DOK6: variants seen among roughly 807,000 people sequenced by gnomAD.
The protein encoded by DOK6 is docking protein 6.
A neutral mutation model predicts 44.0 loss-of-function variants in DOK6; 22 were observed. That is an observed-to-expected ratio of 0.50 (90% CI 0.36 to 0.71). The LOEUF (loss-of-function observed/expected upper bound fraction) is 0.71, where lower values mean the gene tolerates loss of function less well. Among genes scored for constraint, DOK6 ranks in the 30% least tolerant of loss-of-function variants. The pLI is 0.00. For synonymous variants in DOK6, 166 were observed against 145.5 expected, an observed-to-expected ratio of 1.14 and a Z score of -1.01; for missense variants, 340 against 416.4, an observed-to-expected ratio of 0.82 and a Z score of 1.60.
rs143188580 is a variant in DOK6, at chr18:69,518,750, T to C, written c.67-45737T>C. Among the ~76,000 whole-genome samples, 708 of 152,194 alleles carry C rather than the reference T, an allele frequency of 4.7e-3. 3 individuals are homozygous for C. Among genetic ancestry groups the C allele is most frequent in the African/African-American group, 0.016 (682 of 41,540 alleles). ...TAAAAACATTTCTAAAAAATATGTA[T>C]CAAAGTTAAAATCATGCTATGTAAA... is the stretch of plus-strand genomic sequence containing the variant. On this transcript the variant is annotated intron_variant, in intron 1 of 7. Coordinates refer to ENST00000382713, the MANE Select transcript of DOK6 (RefSeq NM_152721.6).
At position 69,844,565 on chromosome 18, in the gene DOK6, G is replaced by C. The variant is rs1982306208; in HGVS notation, c.*3182G>C. 6.6e-6 allele frequency: 1 copy of C among 152,068 alleles called. No homozygotes were observed. Among genetic ancestry groups the C allele is most frequent in the Admixed American group, 6.6e-5 (1 of 15,256 alleles). 9.4% of individuals were successfully genotyped at this position (152,068 alleles called of 1,614,324 possible). On this transcript the variant is annotated 3_prime_UTR_variant, in exon 8 of 8. Coordinates refer to ENST00000382713, the MANE Select transcript of DOK6 (RefSeq NM_152721.6). ...CTTGATCCAATAGTTTCCTATTCTG[G>C]GGGGTGGGGGCAGAGGCGGAAAAGA...
chr18:69,756,930 G>A (rs1401630094), intron 6 of DOK6, among the ~76,000 whole-genome samples: 1 of 152,198 alleles, frequency 6.6e-6, no homozygotes, highest in Non-Finnish European at 1.5e-5. Context: ...CTCAGGTTGG[G>A]TCAGAGACAT....
At chr18:69,576,615 A>G (rs910877037) in intron 2 of DOK6, among the ~76,000 whole-genome samples, 1 of 152,144 alleles carries the variant, frequency 6.6e-6, no homozygotes, top group African/African-American at 2.4e-5. Flanking sequence ...CTTGCAGCAT[A>G]AATCAATTTT....
chr18:69,511,118 A>G (rs1981353803), intron 1 of DOK6, among the ~76,000 whole-genome samples: 3 of 152,192 alleles, frequency 2.0e-5, no homozygotes, highest in Admixed American at 2.0e-4. Context: ...TTTTCTTTAC[A>G]TTAAAAATTT....
chr18:69,480,360 A>G lies in DOK6; in HGVS notation c.66+79050A>G, dbSNP rs1349701083. Reference sequence around the variant, plus strand: ...ATTTTGATATGATAAAATGAGTGTCAAAGATATGAATCTTGACTATAATAT... The same window carrying G: ...ATTTTGATATGATAAAATGAGTGTCGAAGATATGAATCTTGACTATAATAT... On this transcript the variant is annotated intron_variant, in intron 1 of 7. Transcript: ENST00000382713. Among the ~76,000 whole-genome samples the G allele has an allele frequency of 3.9e-5, 6 of 152,132 alleles. No individual in the cohort carries two copies. In the South Asian group the frequency reaches 1.0e-3, roughly 26 times the overall value.
intron 7 of DOK6, among the ~76,000 whole-genome samples, chr18:69,774,179 A>G (rs1471589031): frequency 9.2e-6 from 1 of 108,408 alleles, no homozygotes; most frequent in Non-Finnish European, 2.1e-5. Context: ...TCAGTCATAA[A>G]AAGGAATGAA....
intron 5 of DOK6, among the ~76,000 whole-genome samples, chr18:69,727,354 T>C (rs1479114215): frequency 6.6e-6 from 1 of 151,982 alleles, no homozygotes; most frequent in East Asian, 1.9e-4. Flanking sequence ...CATTGGAGCC[T>C]GTTCTAGCAC....
intron 2 of DOK6, among the ~76,000 whole-genome samples, chr18:69,571,403 T>C (rs1983112013): frequency 6.6e-6 from 1 of 152,036 alleles, no homozygotes; most frequent in Admixed American, 6.6e-5. Flanking sequence ...CATGAATAAT[T>C]ACGTTGTGTT....
At chr18:69,780,500 G>A (rs563856744) in intron 7 of DOK6, among the ~76,000 whole-genome samples, 1 of 152,360 alleles carries the variant, frequency 6.6e-6, no homozygotes, top group Non-Finnish European at 1.5e-5. Flanking sequence ...GCTGAGGCAG[G>A]AGAGTCACTT....
intron 1 of DOK6, among the ~76,000 whole-genome samples, chr18:69,477,369 A>G (rs756682401): frequency 6.6e-6 from 1 of 150,874 alleles, no homozygotes; most frequent in African/African-American, 2.4e-5. Context: ...CTTAACTTTC[A>G]TCAAGATCAA....
In DOK6 at chr18:69,758,001, C is replaced by A; in HGVS notation, c.856+128C>A. 3.9e-6 allele frequency: 3 copies of A among 773,338 alleles called. No individual in the cohort carries two copies. The Admixed American group carries it at 6.0e-5, about 15-fold the overall frequency. The allele number at this position is 773,338 out of a possible 1,614,324, so 47.9% of individuals were successfully genotyped here. On this transcript the variant is annotated intron_variant, in intron 7 of 7. Coordinates refer to ENST00000382713, the MANE Select transcript of DOK6 (RefSeq NM_152721.6). ...ATTCCCATTTATCAGCTGTCACTGGCCACAGTGGGAGCTCTGAGATTTACA... is the reference window on the plus strand; with the variant it reads ...ATTCCCATTTATCAGCTGTCACTGGACACAGTGGGAGCTCTGAGATTTACA...
intron 3 of DOK6, among the ~76,000 whole-genome samples, chr18:69,612,539 C>T (rs1351210644): frequency 8.3e-6 from 1 of 120,646 alleles, no homozygotes; most frequent in South Asian, 2.7e-4. Flanking sequence ...CTGGCACCAA[C>T]ACCTCACCCA....
intron 1 of DOK6, among the ~76,000 whole-genome samples, chr18:69,456,574 A>G (rs756395463): frequency 1.3e-5 from 2 of 152,086 alleles, no homozygotes; most frequent in Non-Finnish European, 2.9e-5. Flanking sequence ...AATTGAGTCC[A>G]TGTCTTTGCT....
At position 69,681,261 on chromosome 18, in the gene DOK6, C is replaced by T. The variant is rs1183980934; in HGVS notation, c.409+3408C>T. ...GTATTCTATCAGTATCAAGTCACACCGCTTAGTCTTTACCACAGCAATTTT... is the reference window on the plus strand; with the variant it reads ...GTATTCTATCAGTATCAAGTCACACTGCTTAGTCTTTACCACAGCAATTTT... On this transcript the variant is annotated intron_variant, in intron 4 of 7. Coordinates refer to ENST00000382713, the MANE Select transcript of DOK6 (RefSeq NM_152721.6). Among the ~76,000 whole-genome samples the T allele has an allele frequency of 2.0e-5, 3 of 152,148 alleles. No individual in the cohort carries two copies. The East Asian group carries it at 5.8e-4, about 29-fold the overall frequency.
chr18:69,719,430 T>C (rs1057462262), intron 5 of DOK6, among the ~76,000 whole-genome samples: 3 of 152,192 alleles, frequency 2.0e-5, no homozygotes, highest in African/African-American at 7.2e-5. Flanking sequence ...GGTTTTACAA[T>C]AGTGATATTA....
At chr18:69,495,367 C>T (rs1349874573) in intron 1 of DOK6, among the ~76,000 whole-genome samples, 2 of 152,192 alleles carry the variant, frequency 1.3e-5, no homozygotes, top group African/African-American at 2.4e-5. Flanking sequence ...GAGTTCTTTT[C>T]CTGCATCCAG....
rs544036245 is a variant in DOK6 at position 69,659,842 on chromosome 18, T to C, written c.290-17892T>C. 5.4e-4 allele frequency: 24 copies of C among 44,770 alleles called. 4 individuals are homozygous for C. In the South Asian group the frequency reaches 0.014, roughly 26 times the overall value. The allele number at this position is 44,770 out of a possible 1,614,324, so 2.8% of individuals were successfully genotyped here. A position where few individuals can be genotyped will look rare whatever the true frequency, so the allele number is the denominator to read the frequency against. ...TTTTGTTATATATATATATAACATATATGTATGTTATATATATATATATAA... is the reference window on the plus strand; with the variant it reads ...TTTTGTTATATATATATATAACATACATGTATGTTATATATATATATATAA... On this transcript the variant is annotated intron_variant, in intron 3 of 7. Transcript: ENST00000382713.
intron 7 of DOK6, among the ~76,000 whole-genome samples, chr18:69,809,979 C>G (rs1481146429): frequency 6.6e-6 from 1 of 151,782 alleles, no homozygotes; most frequent in African/African-American, 2.4e-5. Flanking sequence ...ATTGAAAAAA[C>G]AATTCTAAAA....
At chr18:69,718,341 A>G (rs1309551963) in intron 5 of DOK6, among the ~76,000 whole-genome samples, 2 of 152,148 alleles carry the variant, frequency 1.3e-5, no homozygotes, top group Non-Finnish European at 1.5e-5. Flanking sequence ...CCCCCAAAAG[A>G]AGCTGAGAGT....
Sources: gnomAD v4.1 joint callset for allele counts (sites outside exome capture counted in the v4.1 genomes callset) on GRCh38, gnomAD v4.1.1 for gene constraint, MANE v1.5 for transcripts, NCBI Gene and HGNC (gene_info 2026-07-23, HGNC 2026-07-21) for gene names.